The following SLC10A7 variants were observed in gnomAD, a reference collection of about 807,000 sequenced individuals.
SLC10A7 encodes sodium/bile acid cotransporter 7.
A neutral mutation model predicts 43.2 loss-of-function variants in SLC10A7; 29 were observed. That is an observed-to-expected ratio of 0.67 (90% CI 0.50 to 0.92). The LOEUF is 0.92. Ranked by LOEUF, SLC10A7 falls within the 40% of genes least tolerant of loss-of-function variation. The pLI is 0.00. For synonymous variants in SLC10A7, 152 were observed against 144.8 expected, an observed-to-expected ratio of 1.05 and a Z score of -0.35; for missense variants, 295 against 403.2, an observed-to-expected ratio of 0.73 and a Z score of 2.30.
chr4:146,351,203 G>A (rs1215206148), intron 5 of SLC10A7, among the ~76,000 whole-genome samples: 6 of 150,668 alleles, frequency 4.0e-5, no homozygotes, highest in South Asian at 4.2e-4. Context: ...TGATGGAGCT[G>A]AAAACCAAGG....
chr4:146,307,169 G>A (rs1483374508), intron 6 of SLC10A7, among the ~76,000 whole-genome samples: 2 of 152,046 alleles, frequency 1.3e-5, no homozygotes, highest in African/African-American at 4.8e-5. Context: ...ATAAAATTCT[G>A]TCCCCCAGCT....
intron 4 of SLC10A7, among the ~76,000 whole-genome samples, chr4:146,443,459 A>C (rs779235590): frequency 3.3e-5 from 5 of 152,244 alleles, no homozygotes; most frequent in Non-Finnish European, 7.3e-5. Flanking sequence ...TAGCAGACGT[A>C]ATATAGCTCT....
intron 5 of SLC10A7, among the ~76,000 whole-genome samples, chr4:146,383,995 T>C (rs1193008050): frequency 6.6e-6 from 1 of 152,124 alleles, no homozygotes; most frequent in Non-Finnish European, 1.5e-5. Flanking sequence ...GGGGAAGTCG[T>C]TTCAAACACT....
intron 4 of SLC10A7, among the ~76,000 whole-genome samples, chr4:146,453,900 C>T (rs77684689): frequency 6.6e-6 from 1 of 151,924 alleles, no homozygotes; most frequent in East Asian, 1.9e-4. Flanking sequence ...ATGCATGGGG[C>T]AAGAGAGGAA....
chr4:146,310,614 T>C (rs758872176), intron 6 of SLC10A7, among the ~76,000 whole-genome samples: 2 of 152,142 alleles, frequency 1.3e-5, no homozygotes, highest in African/African-American at 2.4e-5. Context: ...TGGCCACTTG[T>C]ATGTCTTCTT....
At chr4:146,359,304 A>G (rs1735879570) in intron 5 of SLC10A7, among the ~76,000 whole-genome samples, 1 of 152,152 alleles carries the variant, frequency 6.6e-6, no homozygotes, top group African/African-American at 2.4e-5. Context: ...GGATGTGTGT[A>G]TTCTAAATAA....
At chr4:146,452,686 T>C (rs1162327952) in intron 4 of SLC10A7, among the ~76,000 whole-genome samples, 1 of 152,062 alleles carries the variant, frequency 6.6e-6, no homozygotes, top group Non-Finnish European at 1.5e-5. Context: ...ATTTAAGTAT[T>C]ACTACAACAT....
chr4:146,382,187 G>A (rs1471760557), intron 5 of SLC10A7, among the ~76,000 whole-genome samples: 1 of 152,140 alleles, frequency 6.6e-6, no homozygotes. Flanking sequence ...TGCAATTATA[G>A]CGATGTTACA....
chr4:146,471,751 T>C (rs929057855), intron 4 of SLC10A7, among the ~76,000 whole-genome samples: 2 of 152,184 alleles, frequency 1.3e-5, no homozygotes, highest in Non-Finnish European at 2.9e-5. Flanking sequence ...ATTTTACAGC[T>C]GAAGTAAATG....
intron 10 of SLC10A7, among the ~76,000 whole-genome samples, chr4:146,273,754 T>C (rs2111066034): frequency 6.6e-6 from 1 of 152,186 alleles, no homozygotes; most frequent in Non-Finnish European, 1.5e-5. Flanking sequence ...GCAGCACTTC[T>C]AAAACACTGC....
chr4:146,276,554 A>G (rs1305780780), intron 10 of SLC10A7, among the ~76,000 whole-genome samples: 1 of 152,242 alleles, frequency 6.6e-6, no homozygotes, highest in Admixed American at 6.5e-5. Flanking sequence ...ACATAAGCTG[A>G]ATAAAATAAT....
intron 9 of SLC10A7, among the ~76,000 whole-genome samples, chr4:146,290,123 G>A (rs1730327797): frequency 6.6e-6 from 1 of 150,676 alleles, no homozygotes; most frequent in Non-Finnish European, 1.5e-5. Flanking sequence ...AGGAGATCCA[G>A]ACCATCCTGG....
At chr4:146,449,789 A>C (rs1185150337) in intron 4 of SLC10A7, among the ~76,000 whole-genome samples, 2 of 152,204 alleles carry the variant, frequency 1.3e-5, no homozygotes, top group African/African-American at 4.8e-5. Context: ...TTAAAAGTAT[A>C]ACTTCCTATG....
chr4:146,426,804 G>A (rs1000261611), intron 5 of SLC10A7, among the ~76,000 whole-genome samples: 3 of 152,168 alleles, frequency 2.0e-5, no homozygotes, highest in African/African-American at 7.2e-5. Context: ...CAACCTGGGA[G>A]GCGGAGGTTG....
chr4:146,336,632 T>C (rs1298558560), intron 5 of SLC10A7, among the ~76,000 whole-genome samples: 3 of 152,060 alleles, frequency 2.0e-5, no homozygotes, highest in African/African-American at 7.2e-5. Flanking sequence ...GGCCAGCAGA[T>C]AGTCCGCCTA....
chr4:146,323,182 T>C (rs1269544423), intron 6 of SLC10A7, among the ~76,000 whole-genome samples: 2 of 152,352 alleles, frequency 1.3e-5, no homozygotes, highest in East Asian at 1.9e-4. Context: ...TTTACTCTGA[T>C]GGTAGTTTCT....
At chr4:146,356,339 TACTA>T (rs1327187143) in intron 5 of SLC10A7, among the ~76,000 whole-genome samples, 10 of 152,170 alleles carry the variant, frequency 6.6e-5, no homozygotes, top group South Asian at 2.1e-4. Flanking sequence ...TCCAATATAT[TACTA>T]ACTATTGTTC....
chr4:146,314,275 A>C (rs1020181366), intron 6 of SLC10A7, among the ~76,000 whole-genome samples: 4 of 152,232 alleles, frequency 2.6e-5, no homozygotes, highest in African/African-American at 9.6e-5. Context: ...GGTTTCTTAT[A>C]CAAAGATGTG....
intron 5 of SLC10A7, among the ~76,000 whole-genome samples, chr4:146,384,581 G>T (rs2149795070): frequency 6.6e-6 from 1 of 152,026 alleles, no homozygotes; most frequent in Non-Finnish European, 1.5e-5. Context: ...TCTTTATCAG[G>T]TTTCATAAAA....
Sources: gnomAD v4.1 joint callset for allele counts (sites outside exome capture counted in the v4.1 genomes callset) on GRCh38, gnomAD v4.1.1 for gene constraint, MANE v1.5 for transcripts, NCBI Gene and HGNC (gene_info 2026-07-23, HGNC 2026-07-21) for gene names.